The following RMND5A variants were observed in gnomAD, a reference collection of about 807,000 sequenced individuals.
RMND5A encodes the protein required for meiotic nuclear division 5 homolog A.
RMND5A carries 17 observed loss-of-function variants against 49.7 expected under a neutral mutation model. That is an observed-to-expected ratio of 0.34 (90% CI 0.23 to 0.51). The LOEUF is 0.51. Ranked by LOEUF, RMND5A falls within the 20% of genes least tolerant of loss-of-function variation. RMND5A has a pLI of 0.96. For synonymous variants in RMND5A, 156 were observed against 167.7 expected (o/e 0.93, Z 0.54); for missense variants, 255 against 471.3 (o/e 0.54, Z 4.25).
intron 4 of RMND5A, among the ~76,000 whole-genome samples, chr2:86,761,223 A>G (rs1367590229): frequency 6.6e-6 from 1 of 152,170 alleles, no homozygotes; most frequent in Non-Finnish European, 1.5e-5. Context: ...ATTAAGGCGG[A>G]TGTTAACAAT....
chr2:86,755,112 CTTT>C (rs536948355), intron 4 of RMND5A, among the ~76,000 whole-genome samples: 1 of 141,366 alleles, frequency 7.1e-6, no homozygotes, highest in Admixed American at 7.1e-5. Context: ...GCAACAACTA[CTTT>C]TTTTTTTTTT....
At chr2:86,768,700 C>T (rs1412594454) in intron 6 of RMND5A, among the ~76,000 whole-genome samples, 1 of 152,188 alleles carries the variant, frequency 6.6e-6, no homozygotes, top group African/African-American at 2.4e-5. Context: ...GGTCAGATGA[C>T]TCTCTTCAAC....
chr2:86,752,084 A>G, intron 3 of RMND5A, 54 bp downstream of exon 3: 1 of 1,576,302 alleles, frequency 6.3e-7, no homozygotes, highest in Non-Finnish European at 8.7e-7. Context: ...AACTCCTTGG[A>G]GTTTATAGTA....
intron 1 of RMND5A, among the ~76,000 whole-genome samples, chr2:86,725,547 T>C (rs2674833): frequency 0.024 from 1,680 of 69,464 alleles, 516 homozygotes; most frequent in Middle Eastern, 0.04. Flanking sequence ...CCTGCCACCA[T>C]GCCTGGCTAA....
chr2:86,764,922 A>G, intron 4 of RMND5A, 105 bp from the exon 5 acceptor site: 1 of 1,085,346 alleles, frequency 9.2e-7, no homozygotes, highest in Middle Eastern at 2.4e-4. Context: ...GACTTCCACA[A>G]GATGGCAGAC....
chr2:86,743,283 T>A (rs13406312), intron 2 of RMND5A, among the ~76,000 whole-genome samples: 1,931 of 152,212 alleles, frequency 0.013, 48 homozygotes, highest in African/African-American at 0.044. Flanking sequence ...ATCTACATTC[T>A]GGCTTATTTG....
chr2:86,749,048 T>C (rs1466657010), intron 2 of RMND5A, among the ~76,000 whole-genome samples: 1 of 152,202 alleles, frequency 6.6e-6, no homozygotes, highest in African/African-American at 2.4e-5. Context: ...CATCTTCAGA[T>C]CTTTAGAAAC....
chr2:86,759,525 T>G (rs904362634), intron 4 of RMND5A, among the ~76,000 whole-genome samples: 3 of 152,186 alleles, frequency 2.0e-5, no homozygotes, highest in African/African-American at 7.2e-5. Context: ...GTGACAGTGT[T>G]CTCGTGGTCC....
chr2:86,729,303 A>C (rs1681321461), intron 1 of RMND5A, among the ~76,000 whole-genome samples: 2 of 152,018 alleles, frequency 1.3e-5, no homozygotes, highest in African/African-American at 4.8e-5. Context: ...ACCAGTGAAG[A>C]GAGAGAGCCC....
Position 86,770,193 on chromosome 2 carries a change from T to G in RMND5A, c.957+68T>G, listed in dbSNP as rs376211990. 3.0e-3 allele frequency: 3,301 copies of G among 1,084,298 alleles called. 96 individuals are homozygous for G. The South Asian group carries it at 0.04, about 13-fold the overall frequency. 67.2% of individuals were successfully genotyped at this position (1,084,298 alleles called of 1,614,324 possible). ...AGAAGAATATGGCATCTTTAAATGT[T>G]CATCTTACCTTTTAACCAGGAAACA... On this transcript the variant is annotated intron_variant, in intron 7 of 8. Transcript: ENST00000283632.
At chr2:86,758,436 A>G (rs1681786193) in intron 4 of RMND5A, among the ~76,000 whole-genome samples, 1 of 151,466 alleles carries the variant, frequency 6.6e-6, no homozygotes, top group South Asian at 2.1e-4. Flanking sequence ...GCCAGTTCCT[A>G]TGGATGGACG....
At chr2:86,766,689 A>G (rs1672602944) in intron 6 of RMND5A, among the ~76,000 whole-genome samples, 2 of 151,092 alleles carry the variant, frequency 1.3e-5, no homozygotes, top group East Asian at 1.9e-4. Context: ...AAAAGAAAAG[A>G]AAAAAAGAAT....
chr2:86,748,164 G>C (rs988974704), intron 2 of RMND5A: 1 of 152,210 alleles, frequency 6.6e-6, no homozygotes. Context: ...AAATGAGCTT[G>C]GTTACCTAGC....
intron 2 of RMND5A, among the ~76,000 whole-genome samples, chr2:86,749,139 T>C (rs920553504): frequency 2.1e-4 from 32 of 152,140 alleles, no homozygotes; most frequent in Non-Finnish European, 2.8e-4. Context: ...TGAGCTCTAC[T>C]CCAGAAGAGA....
In RMND5A at chr2:86,766,042, G is replaced by A. The variant is rs1482481961; in HGVS notation, c.854+18G>A. On this transcript the variant is annotated intron_variant, in intron 6 of 8. Coordinates refer to ENST00000283632, the MANE Select transcript of RMND5A (RefSeq NM_022780.4). The stretch of plus-strand genomic sequence containing the variant: ...AGTGTCAGGTATGGAAATTAGCCCT[G>A]TCTGTTATTGAAGTATGCACTGCAT... 2 of 1,606,250 alleles carry A rather than the reference G, an allele frequency of 1.2e-6. No homozygotes were observed. Among genetic ancestry groups the A allele is most frequent in the South Asian group, 1.1e-5 (1 of 90,084 alleles).
intron 2 of RMND5A, among the ~76,000 whole-genome samples, chr2:86,751,397 G>A (rs1681630534): frequency 6.6e-6 from 1 of 152,174 alleles, no homozygotes; most frequent in Non-Finnish European, 1.5e-5. Flanking sequence ...TAGCTCAAAG[G>A]CAAACCCAGA....
rs1370543632 is a variant in RMND5A, at chr2:86,777,030, CA to C, written c.*3624del. The stretch of plus-strand genomic sequence containing the variant: ...TAATGAACTATAATTGAATAGATAC[CA>C]AAAATAGAATGACAAATGTATTTTA... On this transcript the variant is annotated 3_prime_UTR_variant, in exon 9 of 9. Transcript: ENST00000283632. 6.6e-6 allele frequency: 1 copy of C among 152,024 alleles called. No individual in the cohort carries two copies. Among genetic ancestry groups the C allele is most frequent in the Non-Finnish European group, 1.5e-5 (1 of 68,008 alleles). The allele number at this position is 152,024 out of a possible 1,614,324, so 9.4% of individuals were successfully genotyped here. A position where few individuals can be genotyped will look rare whatever the true frequency, so the allele number is the denominator to read the frequency against.
At chr2:86,724,086 CTTT>C (rs1226282872) in intron 1 of RMND5A, among the ~76,000 whole-genome samples, 3 of 144,938 alleles carry the variant, frequency 2.1e-5, no homozygotes, top group South Asian at 4.4e-4. Context: ...ACAGGAATAT[CTTT>C]TTTTTTTTTT....
In RMND5A at chr2:86,774,361, T is replaced by C. The variant is rs577241657; in HGVS notation, c.*950T>C. The C allele has an allele frequency of 6.6e-6, 1 of 152,638 alleles. No individual in the cohort carries two copies. Among genetic ancestry groups the C allele is most frequent in the Non-Finnish European group, 1.5e-5 (1 of 68,038 alleles). The allele number at this position is 152,638 out of a possible 1,614,324, so 9.5% of individuals were successfully genotyped here. On this transcript the variant is annotated 3_prime_UTR_variant, in exon 9 of 9. Transcript: ENST00000283632. ...GCATGTTCCAGTTCTAAAATGCAGT[T>C]ACCAGACCCATCACTTTAAATCCTT...
Sources: allele counts gnomAD v4.1 joint callset (sites outside exome capture counted in the v4.1 genomes callset), GRCh38; gene constraint gnomAD v4.1.1; transcripts MANE v1.5; gene names NCBI Gene and HGNC (gene_info 2026-07-23, HGNC 2026-07-21).